NTM: variants seen among roughly 807,000 people sequenced by gnomAD.
The protein encoded by NTM is IgLON family member 2.
Under a neutral mutation model 42.1 loss-of-function variants are expected in NTM, and 13 were observed. The ratio of observed to expected loss-of-function variants is 0.31; its 90% CI spans 0.20 to 0.49. The LOEUF (loss-of-function observed/expected upper bound fraction) is 0.49. Among genes scored for constraint, NTM ranks in the 20% least tolerant of loss-of-function variants. NTM has a pLI of 0.99. For missense variants in NTM, 373 were observed against 452.8 expected, an observed-to-expected ratio of 0.82 and a Z score of 1.60; for synonymous variants, 187 against 179.2, an observed-to-expected ratio of 1.04 and a Z score of -0.35.
chr11:131,802,217 G>C (rs1413727405), intron 1 of NTM, among the ~76,000 whole-genome samples: 6 of 152,072 alleles, frequency 3.9e-5, no homozygotes, highest in Non-Finnish European at 8.8e-5. Context: ...TTTTCTTCAA[G>C]AGTGGCTAAT....
chr11:131,737,690 C>T (rs1021364171), intron 1 of NTM, among the ~76,000 whole-genome samples: 2 of 152,100 alleles, frequency 1.3e-5, no homozygotes, highest in African/African-American at 4.8e-5. Context: ...CCTCTGCCTT[C>T]TCGCCTAACC....
At chr11:131,571,059 G>A (rs1317462886) in intron 1 of NTM, among the ~76,000 whole-genome samples, 1 of 152,230 alleles carries the variant, frequency 6.6e-6, no homozygotes, top group African/African-American at 2.4e-5. Flanking sequence ...CAGTTCTGCT[G>A]TGCGGCCTCG....
intron 2 of NTM, among the ~76,000 whole-genome samples, chr11:131,921,419 C>G (rs1197013084): frequency 3.9e-5 from 6 of 152,036 alleles, no homozygotes; most frequent in Admixed American, 2.0e-4. Flanking sequence ...TAGGAAGAGG[C>G]AATGAGGGAA....
At chr11:131,633,021 G>A (rs1021171915) in intron 1 of NTM, among the ~76,000 whole-genome samples, 2 of 152,136 alleles carry the variant, frequency 1.3e-5, no homozygotes, top group African/African-American at 4.8e-5. Flanking sequence ...TCTTCCTGCT[G>A]CATCCAAAAG....
intron 1 of NTM, among the ~76,000 whole-genome samples, chr11:131,813,796 GAAC>G (rs2092835112): frequency 1.3e-5 from 2 of 152,254 alleles, no homozygotes; most frequent in Admixed American, 1.3e-4. Context: ...GTTAGGACCA[GAAC>G]CTCTAAAATG....
At position 131,738,189 on chromosome 11, in the gene NTM, T is replaced by C. The variant is rs958623142; in HGVS notation, c.83-173375T>C. On this transcript the variant is annotated intron_variant, in intron 1 of 8. Transcript: ENST00000683400. ...TCTCTCCTCAAATTCTTCTTTTGGA[T>C]GGACATGTGCAATCCAGGCCAATGC... Among the ~76,000 whole-genome samples the C allele has an allele frequency of 3.3e-5, 5 of 152,274 alleles. No homozygotes were observed. The East Asian group carries it at 5.8e-4, about 18-fold the overall frequency.
intron 1 of NTM, among the ~76,000 whole-genome samples, chr11:131,861,194 A>G (rs530466479): frequency 6.6e-6 from 1 of 152,314 alleles, no homozygotes; most frequent in East Asian, 1.9e-4. Flanking sequence ...TCTATTATGA[A>G]GAGCTAGGAA....
At chr11:131,472,420 C>G (rs1952519142) in intron 1 of NTM, among the ~76,000 whole-genome samples, 1 of 152,136 alleles carries the variant, frequency 6.6e-6, no homozygotes, top group Non-Finnish European at 1.5e-5. Flanking sequence ...GAATAGTTAC[C>G]TGGTTTACAG....
intron 2 of NTM, among the ~76,000 whole-genome samples, chr11:131,955,479 A>C (rs1362461167): frequency 6.6e-6 from 1 of 152,166 alleles, no homozygotes; most frequent in African/African-American, 2.4e-5. Flanking sequence ...TGTGTTTTTA[A>C]AAGAGTTTAA....
At chr11:131,449,593 G>C (rs1244063237) in intron 1 of NTM, among the ~76,000 whole-genome samples, 3 of 152,218 alleles carry the variant, frequency 2.0e-5, no homozygotes, top group African/African-American at 4.8e-5. Flanking sequence ...GCACCGGCCA[G>C]ATCTGTGCTG....
rs200944403 is a variant in NTM, at chr11:132,317,098, A to ATACT, written c.934+2398_934+2401dup. On this transcript the variant is annotated intron_variant, in intron 7 of 8. Coordinates refer to ENST00000683400, the MANE Select transcript of NTM (RefSeq NM_001352005.2). The stretch of plus-strand genomic sequence containing the variant: ...AGAGACCATAGTCGGCGGTCTGGGA[A>ATACT]TACTTAAGCCAAACGGGAGCAGGTT... Among the ~76,000 whole-genome samples, 800 of 152,276 alleles carry ATACT rather than the reference A, an allele frequency of 5.3e-3. 4 individuals carry two copies. The highest frequency in any genetic ancestry group is 0.019 in the African/African-American group (772 of 41,558).
chr11:131,838,906 G>C (rs1412485675), intron 1 of NTM, among the ~76,000 whole-genome samples: 2 of 151,694 alleles, frequency 1.3e-5, no homozygotes, highest in Non-Finnish European at 2.9e-5. Context: ...TTTGGGTTTA[G>C]ATTCTCAAGG....
chr11:131,909,057 A>T (rs1196473257), intron 1 of NTM, among the ~76,000 whole-genome samples: 1 of 152,204 alleles, frequency 6.6e-6, no homozygotes, highest in Non-Finnish European at 1.5e-5. Context: ...ACCGGAGGAG[A>T]GGAGGGAACA....
intron 1 of NTM, among the ~76,000 whole-genome samples, chr11:131,679,985 G>A (rs1420901591): frequency 6.6e-6 from 1 of 152,226 alleles, no homozygotes; most frequent in East Asian, 1.9e-4. Context: ...TCTGAGTGAA[G>A]CGCCTTGAGA....
At chr11:132,151,675 C>T (rs2071937098) in intron 3 of NTM, among the ~76,000 whole-genome samples, 1 of 152,128 alleles carries the variant, frequency 6.6e-6, no homozygotes, top group African/African-American at 2.4e-5. Flanking sequence ...CAGAATTAAT[C>T]TGAAAATCCC....
intron 4 of NTM, among the ~76,000 whole-genome samples, chr11:132,259,405 G>T (rs983192360): frequency 6.6e-6 from 1 of 152,122 alleles, no homozygotes; most frequent in Admixed American, 6.5e-5. Context: ...TTTTAGGCCA[G>T]GCTTGGTGGC....
chr11:131,862,919 A>G lies in NTM; in HGVS notation c.83-48645A>G, dbSNP rs2046792314. On this transcript the variant is annotated intron_variant, in intron 1 of 8. Transcript: ENST00000683400. ...ACAGATGTTCCTATAGGATTTTAGG[A>G]TTCCAGACTAGAAGTGACATTGAGG... Among the ~76,000 whole-genome samples, 3 of 152,194 alleles carry G rather than the reference A, an allele frequency of 2.0e-5. No homozygotes were observed. The South Asian group carries it at 6.2e-4, about 32-fold the overall frequency.
chr11:132,235,355 T>G (rs2088589455), intron 4 of NTM, among the ~76,000 whole-genome samples: 1 of 152,160 alleles, frequency 6.6e-6, no homozygotes, highest in Non-Finnish European at 1.5e-5. Context: ...TGCATGTGTG[T>G]GAGCGTGTAT....
chr11:131,573,268 C>T (rs2057624418), intron 1 of NTM, among the ~76,000 whole-genome samples: 1 of 151,918 alleles, frequency 6.6e-6, no homozygotes, highest in Non-Finnish European at 1.5e-5. Context: ...TACATTTTGG[C>T]TCTGCTTATT....
Sources: gnomAD v4.1 joint callset for allele counts (sites outside exome capture counted in the v4.1 genomes callset) on GRCh38, gnomAD v4.1.1 for gene constraint, MANE v1.5 for transcripts, NCBI Gene and HGNC (gene_info 2026-07-23, HGNC 2026-07-21) for gene names.